NRDC: variants seen among roughly 807,000 people sequenced by gnomAD.
The protein encoded by NRDC is nardilysin convertase.
In NRDC, 54 loss-of-function variants were observed where a neutral mutation model predicts 147.1. The observed-to-expected ratio is 0.37, with a 90% CI of 0.29 to 0.46. The LOEUF is 0.46. Ranked by LOEUF, NRDC falls within the 20% of genes least tolerant of loss-of-function variation. NRDC has a pLI of 1.00. For missense variants in NRDC, 1,082 were observed against 1,370.6 expected (o/e 0.79, Z 3.33); for synonymous variants, 440 against 482.1 (o/e 0.91, Z 1.14).
chr1:51,815,057 C>T (rs1253829600), intron 11 of NRDC, among the ~76,000 whole-genome samples: 2 of 151,880 alleles, frequency 1.3e-5, no homozygotes, highest in African/African-American at 4.8e-5. Flanking sequence ...AATGCAAATA[C>T]GAATAGATAT....
At chr1:51,870,674 A>G (rs536498654) in intron 1 of NRDC, among the ~76,000 whole-genome samples, 9 of 152,232 alleles carry the variant, frequency 5.9e-5, no homozygotes, top group African/African-American at 2.2e-4. Context: ...TTAAGTGAAG[A>G]TATTTTCTCG....
At chr1:51,823,044 G>A (rs1680276047) in intron 7 of NRDC, among the ~76,000 whole-genome samples, 2 of 152,156 alleles carry the variant, frequency 1.3e-5, no homozygotes, top group South Asian at 4.1e-4. Flanking sequence ...AGGTTGAAAT[G>A]TAAAGAAAAC....
At chr1:51,813,358 C>A (rs1356556778) in intron 14 of NRDC, among the ~76,000 whole-genome samples, 1 of 152,126 alleles carries the variant, frequency 6.6e-6, no homozygotes, top group African/African-American at 2.4e-5. Context: ...CCATGTTTTA[C>A]AATGAGGAAA....
At chr1:51,834,784 T>A (rs1206189031) in intron 3 of NRDC, among the ~76,000 whole-genome samples, 1 of 152,150 alleles carries the variant, frequency 6.6e-6, no homozygotes, top group Non-Finnish European at 1.5e-5. Flanking sequence ...AATTCACCTT[T>A]TATTAATTAG....
intron 29 of NRDC, among the ~76,000 whole-genome samples, chr1:51,790,109 CA>C (rs749024453): frequency 9.9e-5 from 15 of 152,150 alleles, no homozygotes; most frequent in Non-Finnish European, 1.9e-4. Context: ...ATGTATTAAC[CA>C]AAGTCACACT....
chr1:51,820,832 G>C (rs550567192), intron 8 of NRDC, among the ~76,000 whole-genome samples: 17 of 152,178 alleles, frequency 1.1e-4, no homozygotes, highest in Admixed American at 7.2e-4. Flanking sequence ...AAACTACTAA[G>C]TACAGGAAGA....
rs1207410119 is a variant in NRDC, at chr1:51,825,291, A to G, written c.1032T>C (p.Phe344=). Residue 344 remains phenylalanine (F), a synonymous_variant, in exon 6 of 31, where the codon TTT becomes TTC. Coordinates refer to ENST00000352171, the MANE Select transcript of NRDC (RefSeq NM_001101662.2). ...ARPGHPMGKF[F]WGNAETLKHE... The stretch of plus-strand genomic sequence containing the variant: ...ATGATGTATTTAGTATCTTACCCCA[A>G]AAAAATTTTCCCATAGGATGTCCAG... The G allele has an allele frequency of 4.4e-6, 7 of 1,596,238 alleles. No individual in the cohort carries two copies. The highest frequency in any genetic ancestry group is 4.1e-4 in the Middle Eastern group (2 of 4,894).
chr1:51,801,243 T>C (rs549049345), intron 20 of NRDC: 1 of 128,718 alleles, frequency 7.8e-6, no homozygotes, highest in East Asian at 2.6e-4. Flanking sequence ...TCCTGTTTAT[T>C]CTTAGCCATT....
chr1:51,836,437 A>G, intron 2 of NRDC: 1 of 1,613,700 alleles, frequency 6.2e-7, no homozygotes, highest in South Asian at 1.1e-5. Flanking sequence ...ACAGGTGCAG[A>G]CCTAAGGAAA....
Position 51,834,003 on chromosome 1 carries a change from T to G in NRDC, c.866+14A>C. On this transcript the variant is annotated intron_variant, in intron 4 of 30. Coordinates refer to ENST00000352171, the MANE Select transcript of NRDC (RefSeq NM_001101662.2). ...TTAGATCATTAAAATTAAAGTATAT[T>G]TAGAGTTAGTTACCTATCAAGAGCT... is the stretch of plus-strand genomic sequence containing the variant. 1 of 1,608,912 alleles carries G rather than the reference T, an allele frequency of 6.2e-7. No homozygotes were observed. The highest frequency in any genetic ancestry group is 1.1e-5 in the South Asian group (1 of 90,942).
At chr1:51,850,025 A>C (rs1399183045) in intron 1 of NRDC, among the ~76,000 whole-genome samples, 1 of 151,918 alleles carries the variant, frequency 6.6e-6, no homozygotes, top group East Asian at 1.9e-4. Flanking sequence ...TAAAAATACA[A>C]AAATTAGCCA....
intron 1 of NRDC, chr1:51,878,009 CCTT>C: frequency 7.5e-7 from 1 of 1,324,944 alleles, no homozygotes; most frequent in Non-Finnish European, 9.7e-7. Flanking sequence ...CTCAAAGAAA[CCTT>C]CATTCTTGCT....
chr1:51,868,461 G>A (rs1682926400), intron 1 of NRDC, among the ~76,000 whole-genome samples: 1 of 152,192 alleles, frequency 6.6e-6, no homozygotes, highest in South Asian at 2.1e-4. Context: ...CTGCCATTAT[G>A]AGAAGTTTGT....
chr1:51,842,440 A>G (rs1318562305), intron 1 of NRDC, among the ~76,000 whole-genome samples: 4 of 152,216 alleles, frequency 2.6e-5, no homozygotes. Flanking sequence ...AGATCAATAA[A>G]TAAGAGCAAA....
At chr1:51,835,050 T>C (rs1321742000) in intron 3 of NRDC, among the ~76,000 whole-genome samples, 1 of 152,072 alleles carries the variant, frequency 6.6e-6, no homozygotes, top group Non-Finnish European at 1.5e-5. Context: ...AACATCCACA[T>C]AGAGTTTTTT....
rs781043613 is a variant in NRDC at position 51,790,883 on chromosome 1, C to T, written c.3051+17G>A. 21 of 1,602,764 alleles carry T rather than the reference C, an allele frequency of 1.3e-5. No homozygotes were observed. Among genetic ancestry groups the T allele is most frequent in the Non-Finnish European group, 1.6e-5 (19 of 1,172,326 alleles). Reference sequence around the variant, plus strand: ...TTGTGTGGGCCAAAGGCCAAAAGACCAGGCTGGCACAGTCACCTGGGTGTT... The same window carrying T: ...TTGTGTGGGCCAAAGGCCAAAAGACTAGGCTGGCACAGTCACCTGGGTGTT... On this transcript the variant is annotated intron_variant, in intron 28 of 30. Coordinates refer to ENST00000352171, the MANE Select transcript of NRDC (RefSeq NM_001101662.2).
chr1:51,865,229 C>A (rs1256160810), intron 1 of NRDC, among the ~76,000 whole-genome samples: 1 of 151,506 alleles, frequency 6.6e-6, no homozygotes, highest in Non-Finnish European at 1.5e-5. Flanking sequence ...AAGGAGAAAT[C>A]CTGATGTCTA....
intron 1 of NRDC, among the ~76,000 whole-genome samples, chr1:51,852,046 G>C (rs1681976688): frequency 6.6e-6 from 1 of 152,086 alleles, no homozygotes; most frequent in African/African-American, 2.4e-5. Context: ...TATGCTTTTT[G>C]GTACACGTTG....
intron 14 of NRDC, among the ~76,000 whole-genome samples, chr1:51,812,593 C>G (rs942270855): frequency 6.6e-6 from 1 of 152,038 alleles, no homozygotes; most frequent in African/African-American, 2.4e-5. Flanking sequence ...AACTCATACC[C>G]TTCATGCATC....
Sources: allele counts gnomAD v4.1 joint callset (sites outside exome capture counted in the v4.1 genomes callset), GRCh38; gene constraint gnomAD v4.1.1; transcripts MANE v1.5; gene names NCBI Gene and HGNC (gene_info 2026-07-23, HGNC 2026-07-21).